Variants in CNTN5 observed in about 807,000 individuals in gnomAD.
CNTN5 encodes contactin 5.
A neutral mutation model predicts 129.1 loss-of-function variants in CNTN5; 77 were observed. That is an observed-to-expected ratio of 0.60 (90% CI 0.50 to 0.72). The LOEUF is 0.72. Ranked by LOEUF, CNTN5 falls within the 30% of genes least tolerant of loss-of-function variation. The probability of loss-of-function intolerance (pLI) is 0.00; values close to 1 mark genes in which losing one functional copy is unlikely to be tolerated. For missense variants in CNTN5, 1,478 were observed against 1,328.8 expected (o/e 1.11, Z -1.75); for synonymous variants, 509 against 465.6 (o/e 1.09, Z -1.20).
intron 13 of CNTN5, among the ~76,000 whole-genome samples, chr11:100,104,470 TATA>T (rs1945348754): frequency 6.6e-6 from 1 of 152,106 alleles, no homozygotes; most frequent in Admixed American, 6.6e-5. Flanking sequence ...AAAAATCACA[TATA>T]ATAACTATCT....
chr11:100,029,762 T>C (rs1941613715), intron 9 of CNTN5, among the ~76,000 whole-genome samples: 1 of 152,194 alleles, frequency 6.6e-6, no homozygotes, highest in African/African-American at 2.4e-5. Context: ...AATGATTTTT[T>C]AAGTTAAAAA....
intron 6 of CNTN5, among the ~76,000 whole-genome samples, chr11:99,871,724 C>T (rs1481163534): frequency 6.6e-6 from 1 of 151,900 alleles, no homozygotes; most frequent in Non-Finnish European, 1.5e-5. Flanking sequence ...TTTAAAAAAG[C>T]TGGAAAAAAT....
chr11:100,196,279 G>GTAACT (rs1426526593), intron 15 of CNTN5, among the ~76,000 whole-genome samples: 1 of 151,956 alleles, frequency 6.6e-6, no homozygotes, highest in East Asian at 1.9e-4. Flanking sequence ...ACTGCATGAG[G>GTAACT]TAACTTAAAC....
At chr11:99,521,447 T>A (rs1179520208) in intron 2 of CNTN5, among the ~76,000 whole-genome samples, 1 of 152,192 alleles carries the variant, frequency 6.6e-6, no homozygotes, top group Non-Finnish European at 1.5e-5. Flanking sequence ...TCTAAAAAAA[T>A]AATTTTAGGT....
At chr11:99,614,771 T>C (rs376486560) in intron 3 of CNTN5, among the ~76,000 whole-genome samples, 1 of 152,020 alleles carries the variant, frequency 6.6e-6, no homozygotes, top group Non-Finnish European at 1.5e-5. Flanking sequence ...CCTAGTCCAT[T>C]GCCTTATTTT....
intron 4 of CNTN5, among the ~76,000 whole-genome samples, chr11:99,838,456 T>A (rs1335985444): frequency 2.0e-5 from 3 of 152,172 alleles, no homozygotes; most frequent in African/African-American, 7.2e-5. Flanking sequence ...GGAAAAATGG[T>A]TTATTAGTTA....
At chr11:99,995,761 TA>T (rs1939401179) in intron 8 of CNTN5, among the ~76,000 whole-genome samples, 1 of 152,108 alleles carries the variant, frequency 6.6e-6, no homozygotes, top group Admixed American at 6.5e-5. Context: ...ATTTTACACA[TA>T]GGGGGCTTCT....
At chr11:99,721,653 A>G (rs559009677) in intron 3 of CNTN5, among the ~76,000 whole-genome samples, 2 of 152,340 alleles carry the variant, frequency 1.3e-5, no homozygotes, top group East Asian at 1.9e-4. Context: ...TAAACTTAAG[A>G]GTTTCTGCAA....
intron 6 of CNTN5, among the ~76,000 whole-genome samples, chr11:99,875,013 T>A (rs1241110472): frequency 6.6e-6 from 1 of 152,168 alleles, no homozygotes; most frequent in Non-Finnish European, 1.5e-5. Context: ...GGAAATGGTG[T>A]TTGAAGAACA....
chr11:99,806,820 A>AG (rs1946286145), intron 3 of CNTN5, among the ~76,000 whole-genome samples: 1 of 151,418 alleles, frequency 6.6e-6, no homozygotes, highest in African/African-American at 2.4e-5. Context: ...CCCCTGCAAA[A>AG]AAAAAAAAAA....
At chr11:100,336,093 A>C (rs1447059862) in intron 21 of CNTN5, among the ~76,000 whole-genome samples, 1 of 152,244 alleles carries the variant, frequency 6.6e-6, no homozygotes, top group East Asian at 1.9e-4. Flanking sequence ...AAAGATGCAG[A>C]GATTCACTGG....
intron 1 of CNTN5, among the ~76,000 whole-genome samples, chr11:99,051,737 G>C (rs1001199642): frequency 1.3e-5 from 2 of 151,786 alleles, no homozygotes; most frequent in Non-Finnish European, 2.9e-5. Context: ...CAATCCATCC[G>C]TTTGCTCTTG....
intron 13 of CNTN5, among the ~76,000 whole-genome samples, chr11:100,177,230 A>G (rs1565315970): frequency 6.6e-6 from 1 of 152,120 alleles, no homozygotes; most frequent in Non-Finnish European, 1.5e-5. Flanking sequence ...AGATAAGGCT[A>G]ACTAATTTTG....
chr11:99,868,633 C>G (rs1441271511), intron 6 of CNTN5, among the ~76,000 whole-genome samples: 1 of 152,052 alleles, frequency 6.6e-6, no homozygotes, highest in Non-Finnish European at 1.5e-5. Flanking sequence ...AGCATGTTGT[C>G]AACAGGAATA....
chr11:99,433,858 C>T (rs191983856), intron 2 of CNTN5, among the ~76,000 whole-genome samples: 5 of 152,180 alleles, frequency 3.3e-5, no homozygotes, highest in African/African-American at 7.2e-5. Flanking sequence ...AATCCCTCTA[C>T]GTTTGATGAC....
chr11:99,520,268 G>C (rs978867328), intron 2 of CNTN5, among the ~76,000 whole-genome samples: 1 of 152,084 alleles, frequency 6.6e-6, no homozygotes, highest in South Asian at 2.1e-4. Context: ...ATCTAACCTG[G>C]CTGTAAGAAA....
At chr11:99,525,561 G>C (rs1186205536) in intron 2 of CNTN5, among the ~76,000 whole-genome samples, 1 of 152,224 alleles carries the variant, frequency 6.6e-6, no homozygotes. Flanking sequence ...ATGATAGATG[G>C]ACTTGTTTGG....
chr11:100,200,600 A>G (rs1455373463), intron 15 of CNTN5, among the ~76,000 whole-genome samples: 1 of 151,900 alleles, frequency 6.6e-6, no homozygotes, highest in Non-Finnish European at 1.5e-5. Flanking sequence ...AGAGAATATA[A>G]AGCTCTCTGA....
At chr11:99,557,046 T>C (rs1948696872) in intron 3 of CNTN5, among the ~76,000 whole-genome samples, 1 of 151,292 alleles carries the variant, frequency 6.6e-6, no homozygotes, top group Non-Finnish European at 1.5e-5. Context: ...GTACCTATAT[T>C]GTGGGCTAAA....
Sources: allele counts gnomAD v4.1 joint callset (sites outside exome capture counted in the v4.1 genomes callset), GRCh38; gene constraint gnomAD v4.1.1; transcripts MANE v1.5; gene names NCBI Gene and HGNC (gene_info 2026-07-23, HGNC 2026-07-21).